The following TEX11 variants were observed in gnomAD, a reference collection of about 807,000 sequenced individuals.
TEX11 encodes the protein testis-expressed protein 11.
In TEX11, 7 loss-of-function variants were observed where a neutral mutation model predicts 84.4. The ratio of observed to expected loss-of-function variants is 0.08; its 90% CI spans 0.05 to 0.16. The LOEUF (loss-of-function observed/expected upper bound fraction) is 0.16, where lower values mean the gene tolerates loss of function less well. Among genes scored for constraint, TEX11 ranks in the 10% least tolerant of loss-of-function variants. The pLI, the probability that TEX11 is intolerant of heterozygous loss-of-function variation, is 1.00. For missense variants in TEX11, 551 were observed against 660.5 expected (o/e 0.83, Z 1.82); for synonymous variants, 264 against 222.8 (o/e 1.18, Z -1.64).
At chrX:70,530,117 T>C in intron 28 of TEX11, 118 bp from the exon 29 acceptor site, 1 of 656,115 alleles carries the variant, frequency 1.5e-6, no homozygotes, top group Non-Finnish European at 2.3e-6. Context: ...TGCTGATGTT[T>C]AGGAAGGTCT....
At chrX:70,559,971 G>C (rs758269551) in intron 25 of TEX11, among the ~76,000 whole-genome samples, 1 of 108,846 alleles carries the variant, frequency 9.2e-6, no homozygotes, top group South Asian at 4.1e-4. Flanking sequence ...ATTTCCACTA[G>C]TTGTGTGCCA....
chrX:70,846,816 C>G (rs936295779), intron 7 of TEX11, among the ~76,000 whole-genome samples: 6 of 111,380 alleles, frequency 5.4e-5, no homozygotes, highest in African/African-American at 2.0e-4. Context: ...CCCAGCTACT[C>G]TGGAGGCTGA....
intron 3 of TEX11, among the ~76,000 whole-genome samples, chrX:70,877,026 G>C (rs1036645718): frequency 8.9e-6 from 1 of 111,876 alleles, no homozygotes; most frequent in African/African-American, 3.2e-5. Context: ...GGGCACAGTG[G>C]CTCACACCTG....
At chrX:70,759,430 C>G (rs1178568775) in intron 9 of TEX11, among the ~76,000 whole-genome samples, 6 of 111,731 alleles carry the variant, frequency 5.4e-5, no homozygotes, top group Non-Finnish European at 9.4e-5. Context: ...AGGACCAAGT[C>G]AGCTTCACCC....
intron 2 of TEX11, among the ~76,000 whole-genome samples, chrX:70,882,415 T>G (rs2091688328): frequency 9.0e-6 from 1 of 110,630 alleles, no homozygotes; most frequent in South Asian, 3.9e-4. Flanking sequence ...CCTCCCAGGT[T>G]CAAGCAATTC....
In TEX11 at chrX:70,651,439, A is replaced by G; in HGVS notation, c.1483+11T>C. ...TAATAGTCAAATATAAGTGACAAAT[A>G]AAATTTATACCTCTTTCAGAGTTGC... On this transcript the variant is annotated intron_variant, in intron 17 of 29. Transcript: ENST00000374333. The G allele has an allele frequency of 8.8e-7, 1 of 1,134,373 alleles. No individual in the cohort carries two copies. Among genetic ancestry groups the G allele is most frequent in the South Asian group, 1.9e-5 (1 of 52,161 alleles). The allele number at this position is 1,134,373 out of a possible 1,213,427, so 93.5% of individuals were successfully genotyped here.
intron 13 of TEX11, among the ~76,000 whole-genome samples, chrX:70,701,892 A>G (rs773177514): frequency 7.2e-4 from 80 of 111,648 alleles, no homozygotes; most frequent in Admixed American, 2.4e-3. Context: ...GAGAAATAGA[A>G]TTAGAACTGG....
At chrX:70,579,530 A>AAAAAAAAAAAAAAAACAAAAAAAAAAAAC (rs2088739759) in intron 25 of TEX11, among the ~76,000 whole-genome samples, 1 of 103,139 alleles carries the variant, frequency 9.7e-6, no homozygotes, top group African/African-American at 3.5e-5. Context: ...AAAAAAAAAA[A>AAAAAAAAAAAAAAAACAAAAAAAAAAAAC]AAAACAAAAA....
chrX:70,616,006 G>C (rs1255601140), intron 20 of TEX11, among the ~76,000 whole-genome samples: 1 of 111,408 alleles, frequency 9.0e-6, no homozygotes, highest in African/African-American at 3.3e-5. Flanking sequence ...GTCAACACCA[G>C]ACCTGTCCTA....
chrX:70,698,566 A>G (rs2090300477), intron 13 of TEX11, among the ~76,000 whole-genome samples: 1 of 109,731 alleles, frequency 9.1e-6, no homozygotes, highest in Non-Finnish European at 1.9e-5. Flanking sequence ...CAAAATTAGA[A>G]ATTAATTAGT....
rs765551681 is a variant in TEX11 at position 70,634,966 on chromosome X, G to C, written c.1484-5231C>G. 8.0e-5 allele frequency among the ~76,000 whole-genome samples: 9 copies of C among 111,989 alleles called. No individual in the cohort carries two copies. The East Asian group carries it at 1.4e-3, about 17-fold the overall frequency. The stretch of plus-strand genomic sequence containing the variant: ...TCATGAAAGACGGTGTTAATAAAAA[G>C]AAAAAATTTGCAAAATACATGTCTG... On this transcript the variant is annotated intron_variant, in intron 17 of 29. Coordinates refer to ENST00000374333, the MANE Select transcript of TEX11 (RefSeq NM_031276.3).
intron 1 of TEX11, among the ~76,000 whole-genome samples, chrX:70,908,367 G>A (rs1193432471): frequency 5.4e-5 from 6 of 110,186 alleles, no homozygotes; most frequent in Non-Finnish European, 1.9e-5. Flanking sequence ...CCGCTTCAAC[G>A]TAATTTAGGT....
rs946561994 is a variant in TEX11 at position 70,570,236 on chromosome X, C to T, written c.2141-15436G>A. 1.3e-4 allele frequency among the ~76,000 whole-genome samples: 15 copies of T among 112,229 alleles called. No homozygotes were observed. The South Asian group carries it at 2.6e-3, about 19-fold the overall frequency. Reference sequence around the variant, plus strand: ...AGGTGCGGGATATAATCTCCTGGTGCGCCATTTTTTAAGCCCGTCAGAAAA... The same window carrying T: ...AGGTGCGGGATATAATCTCCTGGTGTGCCATTTTTTAAGCCCGTCAGAAAA... On this transcript the variant is annotated intron_variant, in intron 25 of 29. Coordinates refer to ENST00000374333, the MANE Select transcript of TEX11 (RefSeq NM_031276.3).
intron 18 of TEX11, 63 bp from the exon 19 acceptor site, chrX:70,624,987 A>G (rs1242379335): frequency 1.3e-6 from 1 of 791,294 alleles, no homozygotes; most frequent in Non-Finnish European, 1.8e-6. Flanking sequence ...AATATTATCT[A>G]TATTCCTGTT....
rs1163746750 is a variant in TEX11, at chrX:70,584,176, G to A, written c.2140+7575C>T. 8.3e-5 allele frequency among the ~76,000 whole-genome samples: 9 copies of A among 107,946 alleles called. No individual in the cohort carries two copies. The South Asian group carries it at 2.5e-3, about 30-fold the overall frequency. 93.7% of individuals were successfully genotyped at this position (107,946 alleles called of 115,157 possible). On this transcript the variant is annotated intron_variant, in intron 25 of 29. Coordinates refer to ENST00000374333, the MANE Select transcript of TEX11 (RefSeq NM_031276.3). ...CGGGCGCCTGTAGTCCCAGCTACTC[G>A]GGAGGCTGAGGCAGGAGAATGGCGT...
chrX:70,637,324 T>C (rs2089587410), intron 17 of TEX11, among the ~76,000 whole-genome samples: 1 of 112,456 alleles, frequency 8.9e-6, no homozygotes, highest in Non-Finnish European at 1.9e-5. Context: ...GAATGTAAAT[T>C]AGTAGTTCAA....
At chrX:70,734,305 T>TA (rs201334569) in intron 11 of TEX11, among the ~76,000 whole-genome samples, 7,294 of 105,418 alleles carry the variant, frequency 0.069, 567 homozygotes, top group African/African-American at 0.21. Context: ...AAGTATAATT[T>TA]AAAAAAAAAG....
At chrX:70,603,985 A>G (rs1293801874) in intron 24 of TEX11, among the ~76,000 whole-genome samples, 3 of 112,314 alleles carry the variant, frequency 2.7e-5, no homozygotes, top group African/African-American at 6.5e-5. Flanking sequence ...TGCATCTTCA[A>G]TTATGTATAT....
At chrX:70,529,726 A>G in intron 29 of TEX11, 109 bp downstream of exon 29, 1 of 812,066 alleles carries the variant, frequency 1.2e-6, no homozygotes, top group South Asian at 3.2e-5. Context: ...AACAATGAGC[A>G]AGATCCTTTC....
Sources: gnomAD v4.1 joint callset for allele counts (sites outside exome capture counted in the v4.1 genomes callset) on GRCh38, gnomAD v4.1.1 for gene constraint, MANE v1.5 for transcripts, NCBI Gene and HGNC (gene_info 2026-07-23, HGNC 2026-07-21) for gene names.